Variants in PARD3 observed in about 807,000 individuals in gnomAD.
PARD3 encodes partitioning defective 3 homolog.
In PARD3, 75 loss-of-function variants were observed where a neutral mutation model predicts 155.4. The observed-to-expected ratio is 0.48, with a 90% confidence interval of 0.40 to 0.58. The LOEUF (loss-of-function observed/expected upper bound fraction) is 0.58, where lower values mean the gene tolerates loss of function less well. Among genes scored for constraint, PARD3 ranks in the 20% least tolerant of loss-of-function variants. PARD3 has a pLI of 0.00. For missense variants in PARD3, 1,642 were observed against 1,721.7 expected (o/e 0.95, Z 0.82); for synonymous variants, 576 against 610.5 (o/e 0.94, Z 0.83).
At chr10:34,471,875 A>C (rs1253423702) in intron 3 of PARD3, among the ~76,000 whole-genome samples, 1 of 152,206 alleles carries the variant, frequency 6.6e-6, no homozygotes, top group Non-Finnish European at 1.5e-5. Context: ...CATAGCTTTA[A>C]CCATGAAGCA....
chr10:34,323,332 C>CA (rs1387154553), intron 19 of PARD3, among the ~76,000 whole-genome samples: 1 of 150,744 alleles, frequency 6.6e-6, no homozygotes, highest in Non-Finnish European at 1.5e-5. Context: ...TCCTGAAAAC[C>CA]AAAAAAAGGA....
At chr10:34,446,145 C>T (rs1050631611) in intron 5 of PARD3, among the ~76,000 whole-genome samples, 1 of 152,118 alleles carries the variant, frequency 6.6e-6, no homozygotes, top group African/African-American at 2.4e-5. Flanking sequence ...TTCCTCTGTG[C>T]AAGGATGTGG....
intron 1 of PARD3, among the ~76,000 whole-genome samples, chr10:34,775,346 A>T (rs1271632971): frequency 6.6e-6 from 1 of 152,036 alleles, no homozygotes; most frequent in Non-Finnish European, 1.5e-5. Flanking sequence ...GCAAGACCTC[A>T]TCTCTGCAAA....
intron 3 of PARD3, among the ~76,000 whole-genome samples, chr10:34,480,794 CT>C (rs61461165): frequency 0.085 from 10,631 of 125,580 alleles, 565 homozygotes; most frequent in African/African-American, 0.28. Flanking sequence ...GTTTCTTTTT[CT>C]TTTTTTTTTT....
At chr10:34,339,498 C>A (rs1328284281) in intron 16 of PARD3, among the ~76,000 whole-genome samples, 1 of 152,178 alleles carries the variant, frequency 6.6e-6, no homozygotes, top group African/African-American at 2.4e-5. Flanking sequence ...ATTGTCACTG[C>A]CAATCTCGCC....
intron 1 of PARD3, among the ~76,000 whole-genome samples, chr10:34,721,473 C>T (rs941678581): frequency 6.6e-6 from 1 of 152,166 alleles, no homozygotes; most frequent in African/African-American, 2.4e-5. Flanking sequence ...AGGAGTCTGA[C>T]CCTCTCCTCC....
chr10:34,581,224 TTTTTCTTTTC>T (rs1409448490), intron 2 of PARD3, among the ~76,000 whole-genome samples: 1 of 136,068 alleles, frequency 7.3e-6, no homozygotes, highest in Admixed American at 7.3e-5. Flanking sequence ...GTTATTTTTC[TTTTTCTTTTC>T]TTTTTTTTTT....
intron 22 of PARD3, among the ~76,000 whole-genome samples, chr10:34,251,233 A>T (rs1248229014): frequency 6.6e-6 from 1 of 152,236 alleles, no homozygotes; most frequent in Non-Finnish European, 1.5e-5. Context: ...TACACATAAA[A>T]GATGCTAAAA....
At chr10:34,703,194 G>A (rs2094310100) in intron 1 of PARD3, among the ~76,000 whole-genome samples, 1 of 151,682 alleles carries the variant, frequency 6.6e-6, no homozygotes, top group Admixed American at 6.6e-5. Context: ...GCCAGCCTGG[G>A]CAACACAGCA....
intron 2 of PARD3, among the ~76,000 whole-genome samples, chr10:34,623,611 G>A (rs2091817780): frequency 6.6e-6 from 1 of 152,054 alleles, no homozygotes; most frequent in Non-Finnish European, 1.5e-5. Flanking sequence ...GTACATCTCA[G>A]CAAAAGTAAC....
chr10:34,461,536 G>A (rs2077652514), intron 4 of PARD3, among the ~76,000 whole-genome samples: 1 of 152,136 alleles, frequency 6.6e-6, no homozygotes, highest in Non-Finnish European at 1.5e-5. Flanking sequence ...AACCCAGGAG[G>A]CAGAGGTTGC....
intron 1 of PARD3, among the ~76,000 whole-genome samples, chr10:34,813,062 C>T (rs1195095175): frequency 6.6e-6 from 1 of 152,176 alleles, no homozygotes; most frequent in East Asian, 1.9e-4. Flanking sequence ...ATGTCCAGCA[C>T]CCAGAACAGT....
intron 1 of PARD3, among the ~76,000 whole-genome samples, chr10:34,783,342 C>T (rs1455743820): frequency 1.3e-5 from 2 of 152,018 alleles, no homozygotes; most frequent in Non-Finnish European, 2.9e-5. Context: ...CAGTGGCTCA[C>T]GCCTGTAATC....
intron 2 of PARD3, among the ~76,000 whole-genome samples, chr10:34,642,444 GGCTCTGCCTCACCAGCCTGCTCTTCCT>G (rs1345821311): frequency 9.3e-5 from 14 of 150,968 alleles, no homozygotes; most frequent in Middle Eastern, 3.4e-3. Flanking sequence ...CCCACACCCT[GGCTCTGCCTCACCAGCCTGCTCTTCCT>G]GAGACCCTGA....
intron 22 of PARD3, among the ~76,000 whole-genome samples, chr10:34,189,262 G>A (rs1950607148): frequency 1.3e-5 from 2 of 152,228 alleles, no homozygotes; most frequent in South Asian, 4.1e-4. Flanking sequence ...CCCAGGAGCT[G>A]GAGGATGCAG....
chr10:34,178,794 C>T (rs1950143141), intron 22 of PARD3, among the ~76,000 whole-genome samples: 1 of 152,196 alleles, frequency 6.6e-6, no homozygotes, highest in Admixed American at 6.5e-5. Context: ...CCATAATTTG[C>T]TTAGTGGTCA....
chr10:34,226,915 A>T (rs1952628542), intron 22 of PARD3, among the ~76,000 whole-genome samples: 1 of 150,576 alleles, frequency 6.6e-6, no homozygotes. Flanking sequence ...CATGAATGCT[A>T]AGTTAAATGA....
At chr10:34,366,487 G>A (rs1022156179) in intron 12 of PARD3, among the ~76,000 whole-genome samples, 5 of 152,100 alleles carry the variant, frequency 3.3e-5, no homozygotes, top group African/African-American at 9.7e-5. Flanking sequence ...TGGATATGAT[G>A]GGCAGGGGCT....
intron 1 of PARD3, among the ~76,000 whole-genome samples, chr10:34,708,857 T>C (rs778401822): frequency 5.3e-5 from 8 of 152,174 alleles, no homozygotes; most frequent in Non-Finnish European, 1.0e-4. Context: ...GAAATTTTAA[T>C]ATGAGCTCAA....
Sources: allele counts gnomAD v4.1 joint callset (sites outside exome capture counted in the v4.1 genomes callset), GRCh38; gene constraint gnomAD v4.1.1; transcripts MANE v1.5; gene names NCBI Gene and HGNC (gene_info 2026-07-23, HGNC 2026-07-21).